SLCO1B3: variants seen among roughly 807,000 people sequenced by gnomAD.
The protein encoded by SLCO1B3 is liver-specific organic anion transporter 2.
In SLCO1B3, 72 loss-of-function variants were observed where a neutral mutation model predicts 71.8. That is an observed-to-expected ratio of 1.00 (90% CI 0.83 to 1.22). The LOEUF (loss-of-function observed/expected upper bound fraction) is 1.22, where lower values mean the gene tolerates loss of function less well. SLCO1B3 is among the 50% of genes most tolerant of loss of function. The probability of loss-of-function intolerance (pLI) is 0.00; values close to 1 mark genes in which losing one functional copy is unlikely to be tolerated. For synonymous variants in SLCO1B3, 298 were observed against 278.4 expected (o/e 1.07, Z -0.70); for missense variants, 911 against 819.7 (o/e 1.11, Z -1.36).
rs967024662 is a variant in SLCO1B3, at chr12:20,862,749, C to G, written c.629-7C>G. ...CATCTGATTAAATTGTTTTGTAATA[C>G]TTACAGGTAGTTTGAATGCAATAGG... On this transcript the variant is annotated splice_region_variant and splice_polypyrimidine_tract_variant and intron_variant, in intron 7 of 15. Transcript: ENST00000381545. 3 of 1,596,832 alleles carry G rather than the reference C, an allele frequency of 1.9e-6. No homozygotes were observed. Among genetic ancestry groups the G allele is most frequent in the Non-Finnish European group, 1.7e-6 (2 of 1,168,286 alleles).
intron 4 of SLCO1B3, among the ~76,000 whole-genome samples, chr12:20,855,564 G>T (rs7303743): frequency 0.72 from 109,962 of 151,722 alleles, 42,416 homozygotes; most frequent in South Asian, 0.9. Flanking sequence ...GAGGGAGGAC[G>T]ATAATTCTTA....
At chr12:20,897,901 G>C (rs1314313777) in intron 13 of SLCO1B3, among the ~76,000 whole-genome samples, 1 of 152,162 alleles carries the variant, frequency 6.6e-6, no homozygotes, top group Non-Finnish European at 1.5e-5. Context: ...ATGCTCTGTA[G>C]CTTTAATGTG....
chr12:20,885,593 T>C (rs1865779092), intron 13 of SLCO1B3, among the ~76,000 whole-genome samples: 1 of 151,898 alleles, frequency 6.6e-6, no homozygotes. Flanking sequence ...GAAAGTTATA[T>C]GACAAGAGAC....
intron 3 of SLCO1B3, among the ~76,000 whole-genome samples, chr12:20,817,356 CTT>C (rs1383190582): frequency 6.6e-6 from 1 of 151,984 alleles, no homozygotes; most frequent in Non-Finnish European, 1.5e-5. Flanking sequence ...AGATTTAAGT[CTT>C]TAGTTCATTT....
intron 4 of SLCO1B3, among the ~76,000 whole-genome samples, chr12:20,855,837 T>A (rs1865123703): frequency 2.0e-5 from 3 of 151,912 alleles, no homozygotes; most frequent in African/African-American, 7.2e-5. Context: ...TTTTACAAAC[T>A]GCTAGCTTAT....
Position 20,916,494 on chromosome 12 carries a change from G to A in SLCO1B3, c.*247G>A. 1 of 284,894 alleles carries A rather than the reference G, an allele frequency of 3.5e-6. No individual in the cohort carries two copies. Among genetic ancestry groups the A allele is most frequent in the Non-Finnish European group, 6.6e-6 (1 of 151,190 alleles). The allele number at this position is 284,894 out of a possible 1,614,324, so 17.6% of individuals were successfully genotyped here. On this transcript the variant is annotated 3_prime_UTR_variant, in exon 16 of 16. Transcript: ENST00000381545. ...TGATACAATAAAAAGTAATTGTTTG[G>A]TAGTTGTAACTGCTAATAAAACCAG...
Position 20,901,350 on chromosome 12 carries a change from G to A in SLCO1B3, c.1748G>A (p.Gly583Glu). The change falls in exon 15 of 16, where the codon GGA becomes GAA. Residue 583 changes from glycine (G) to glutamate (E), a missense_variant and splice_region_variant. Physicochemically the swap from Gly to Glu is moderately conservative, Grantham distance 98. Transcript: ENST00000381545. ...GATATCTTTTTATCTCATGTTGCAG[G>A]AGGAATTCTAGCTCCAATATATTTT... is the stretch of plus-strand genomic sequence containing the variant. ...GFQSMVIRTL[G>E]GILAPIYFGA... 1 of 1,540,360 alleles carries A rather than the reference G, an allele frequency of 6.5e-7. No homozygotes were observed. Among genetic ancestry groups the A allele is most frequent in the Non-Finnish European group, 8.8e-7 (1 of 1,131,044 alleles).
Position 20,916,157 on chromosome 12 carries a change from C to A in SLCO1B3, c.2019C>A (p.Phe673Leu), listed in dbSNP as rs1226803082. The change falls in exon 16 of 16, where the codon TTC (phenylalanine) becomes TTA (leucine). Residue 673 changes from phenylalanine to leucine, a missense_variant. By Grantham distance (22) the Phe-to-Leu change is conservative. Transcript: ENST00000381545. ...RKVMDEANLE[F>L]LNNGEHFVPS... ...TAATGGATGAAGCAAACTTAGAATT[C>A]TTAAATAATGGTGAACATTTTGTAC... 1.9e-6 allele frequency: 3 copies of A among 1,612,900 alleles called. No homozygotes were observed. In the Admixed American group the frequency reaches 5.0e-5, roughly 27 times the overall value.
intron 8 of SLCO1B3, among the ~76,000 whole-genome samples, chr12:20,868,029 A>T (rs185174232): frequency 6.6e-6 from 1 of 152,324 alleles, no homozygotes; most frequent in East Asian, 1.9e-4. Context: ...CTTCCACTTA[A>T]TGAATAGTAA....
intron 4 of SLCO1B3, among the ~76,000 whole-genome samples, chr12:20,855,464 C>G (rs1437511931): frequency 8.2e-6 from 1 of 122,520 alleles, no homozygotes; most frequent in Admixed American, 8.2e-5. Context: ...TTGAAAAACT[C>G]TGGTCCTACA....
chr12:20,876,527 T>A (rs768194724), intron 9 of SLCO1B3, among the ~76,000 whole-genome samples: 10 of 152,150 alleles, frequency 6.6e-5, no homozygotes, highest in Non-Finnish European at 1.2e-4. Context: ...TCCACCACAC[T>A]AACCCAAGAG....
intron 13 of SLCO1B3, among the ~76,000 whole-genome samples, chr12:20,889,417 G>T (rs1565603733): frequency 1.3e-5 from 2 of 151,788 alleles, no homozygotes; most frequent in Non-Finnish European, 2.9e-5. Context: ...GTTTCTTCCT[G>T]GTTCAAACGT....
chr12:20,880,965 A>G lies in SLCO1B3; in HGVS notation c.1442A>G (p.Tyr481Cys), dbSNP rs562512647. Residue 481 changes from tyrosine (Y) to cysteine (C), a missense_variant, in exon 12 of 16, where the codon TAC becomes TGC. Tyr to Cys is a radical substitution (Grantham distance 194). Coordinates refer to ENST00000381545, the MANE Select transcript of SLCO1B3 (RefSeq NM_019844.4). ...GTCTGTGGGAACAATGGAATAACTT[A>G]CCTGTCACCTTGTCTAGCAGGATGC... is the stretch of plus-strand genomic sequence containing the variant. ...EPVCGNNGIT[Y>C]LSPCLAGCKS... 3.5e-5 allele frequency: 57 copies of G among 1,612,676 alleles called. 1 individual carries two copies. Among genetic ancestry groups the G allele is most frequent in the Admixed American group, 5.0e-5 (3 of 59,960 alleles).
chr12:20,912,730 G>T (rs868696857), intron 15 of SLCO1B3, among the ~76,000 whole-genome samples: 2 of 151,140 alleles, frequency 1.3e-5, no homozygotes, highest in African/African-American at 4.9e-5. Context: ...CACCATGTTG[G>T]CCAGGATGGT....
intron 15 of SLCO1B3, among the ~76,000 whole-genome samples, chr12:20,912,023 T>C (rs1272762268): frequency 6.6e-6 from 1 of 152,158 alleles, no homozygotes; most frequent in Non-Finnish European, 1.5e-5. Flanking sequence ...AAATGATTGA[T>C]TTAAGATATT....
Position 20,916,036 on chromosome 12 carries a change from G to GA in SLCO1B3, c.1899dup (p.Phe634IlefsTer29). 1 of 1,610,000 alleles carries GA rather than the reference G, an allele frequency of 6.2e-7. No homozygotes were observed. The highest frequency in any genetic ancestry group is 8.5e-7 in the Non-Finnish European group (1 of 1,176,876). On this transcript the variant is annotated frameshift_variant, in exon 16 of 16. Coordinates refer to ENST00000381545, the MANE Select transcript of SLCO1B3 (RefSeq NM_019844.4). LOFTEE classifies it high-confidence loss of function. ...TACTTGGGCTTATCTATAGCTTTAA[G>GA]ATTCCCAGCACTTGTTTTATATATT...
chr12:20,887,329 C>G (rs1230768875), intron 13 of SLCO1B3, among the ~76,000 whole-genome samples: 1 of 152,048 alleles, frequency 6.6e-6, no homozygotes, highest in Non-Finnish European at 1.5e-5. Context: ...AATTTACATT[C>G]CCACCAACAG....
intron 3 of SLCO1B3, among the ~76,000 whole-genome samples, chr12:20,824,822 AAAGT>A (rs1864387546): frequency 6.6e-6 from 1 of 152,204 alleles, no homozygotes; most frequent in Non-Finnish European, 1.5e-5. Flanking sequence ...ATATGAAGTC[AAAGT>A]ACTAATTTTA....
chr12:20,908,318 C>T (rs1411936441), intron 15 of SLCO1B3, among the ~76,000 whole-genome samples: 1 of 152,196 alleles, frequency 6.6e-6, no homozygotes, highest in Non-Finnish European at 1.5e-5. Context: ...TAGCCTTCCC[C>T]ATTATCAACA....
Sources: allele counts gnomAD v4.1 joint callset (sites outside exome capture counted in the v4.1 genomes callset), GRCh38; gene constraint gnomAD v4.1.1; transcripts MANE v1.5; gene names NCBI Gene and HGNC (gene_info 2026-07-23, HGNC 2026-07-21).